Variants in FLI1 observed in about 807,000 individuals in gnomAD.
FLI1 encodes Fli-1 proto-oncogene, ETS transcription factor.
In FLI1, 13 loss-of-function variants were observed where a neutral mutation model predicts 53.1. The ratio of observed to expected loss-of-function variants is 0.24; its 90% CI spans 0.16 to 0.39. The LOEUF is 0.39. Ranked by LOEUF, FLI1 falls within the 10% of genes least tolerant of loss-of-function variation. The pLI is 1.00. For synonymous variants in FLI1, 244 were observed against 236.7 expected, an observed-to-expected ratio of 1.03 and a Z score of -0.28; for missense variants, 424 against 600.5, an observed-to-expected ratio of 0.71 and a Z score of 3.07.
chr11:128,752,378 G>T (rs545951325), intron 1 of FLI1, among the ~76,000 whole-genome samples: 1 of 152,238 alleles, frequency 6.6e-6, no homozygotes, highest in East Asian at 1.9e-4. Flanking sequence ...ACCAGATCAG[G>T]TACTGATATT....
intron 1 of FLI1, among the ~76,000 whole-genome samples, chr11:128,723,313 C>T (rs1395576114): frequency 6.6e-6 from 1 of 152,110 alleles, no homozygotes; most frequent in African/African-American, 2.4e-5. Context: ...TCCCTGTGGG[C>T]TTGGACTCAT....
intron 3 of FLI1, among the ~76,000 whole-genome samples, chr11:128,771,039 T>C (rs923909407): frequency 1.3e-5 from 2 of 152,246 alleles, no homozygotes; most frequent in African/African-American, 2.4e-5. Flanking sequence ...TGGTTTCTAT[T>C]GGAACCCCAG....
intron 5 of FLI1, chr11:128,804,761 C>T (rs1219526035): frequency 6.6e-6 from 1 of 152,316 alleles, no homozygotes; most frequent in African/African-American, 2.4e-5. Flanking sequence ...CCACATCATC[C>T]ATGTGCTGAA....
At chr11:128,771,960 TAA>T (rs1447363987) in intron 3 of FLI1, among the ~76,000 whole-genome samples, 2 of 151,898 alleles carry the variant, frequency 1.3e-5, no homozygotes, top group Non-Finnish European at 2.9e-5. Flanking sequence ...TGATGAGTGA[TAA>T]AAGAGTTCTG....
chr11:128,725,573 GA>G (rs1433433655), intron 1 of FLI1, among the ~76,000 whole-genome samples: 1 of 152,150 alleles, frequency 6.6e-6, no homozygotes, highest in African/African-American at 2.4e-5. Context: ...ACTGCAAGAT[GA>G]AGGAAGGACC....
At chr11:128,740,866 G>C (rs1940103835) in intron 1 of FLI1, among the ~76,000 whole-genome samples, 1 of 152,162 alleles carries the variant, frequency 6.6e-6, no homozygotes, top group Non-Finnish European at 1.5e-5. Flanking sequence ...GTGCTAATGG[G>C]GATGGGGACT....
At position 128,774,363 on chromosome 11, in the gene FLI1, G is replaced by A. The variant is rs182795456; in HGVS notation, c.589+1378G>A. Among the ~76,000 whole-genome samples the A allele has an allele frequency of 1.6e-3, 240 of 152,252 alleles. 1 individual carries two copies. The highest frequency in any genetic ancestry group is 3.4e-3 in the Middle Eastern group (1 of 294). On this transcript the variant is annotated intron_variant, in intron 4 of 8. Coordinates refer to ENST00000527786, the MANE Select transcript of FLI1 (RefSeq NM_002017.5). ...TTGCTGCAACATGAGGTCAGCCCAA[G>A]AAACAATTTCAAAAAAGGGGACAAT...
intron 1 of FLI1, among the ~76,000 whole-genome samples, chr11:128,712,711 C>T (rs1938836221): frequency 6.6e-6 from 1 of 152,120 alleles, no homozygotes; most frequent in South Asian, 2.1e-4. Context: ...AGACCCACCC[C>T]CAGAATTCAA....
At position 128,772,866 on chromosome 11, in the gene FLI1, C is replaced by A. The variant is rs1432410002; in HGVS notation, c.470C>A (p.Ser157Tyr). Reference protein sequence around the residue: ...KEYSLMEIDTSFFQNMDGKEL... With the variant: ...KEYSLMEIDTYFFQNMDGKEL... ...TACAGCTTGATGGAGATCGACACAT[C>A]CTTTTTCCAGAACATGGATGGCAAG... is the stretch of plus-strand genomic sequence containing the variant. The change falls in exon 4 of 9, where the codon TCC (serine) becomes TAC (tyrosine). Residue 157 changes from serine (S) to tyrosine (Y), a missense_variant. Ser to Tyr is a moderately radical substitution (Grantham distance 144). Transcript: ENST00000527786. The A allele has an allele frequency of 1.2e-6, 2 of 1,613,978 alleles. No homozygotes were observed. Among genetic ancestry groups the A allele is most frequent in the Admixed American group, 1.7e-5 (1 of 60,030 alleles).
chr11:128,772,771 C>T lies in FLI1; in HGVS notation c.386-11C>T, dbSNP rs768627624. 6.8e-6 allele frequency: 11 copies of T among 1,613,330 alleles called. No individual in the cohort carries two copies. Among genetic ancestry groups the T allele is most frequent in the Non-Finnish European group, 8.5e-6 (10 of 1,179,264 alleles). The stretch of plus-strand genomic sequence containing the variant: ...CTGCAGTCCTTGCTAACAACGTCTT[C>T]TCCTCTGCAGACCCCACACTGTGGA... On this transcript the variant is annotated splice_polypyrimidine_tract_variant and intron_variant, in intron 3 of 8. Transcript: ENST00000527786.
intron 1 of FLI1, among the ~76,000 whole-genome samples, chr11:128,712,356 C>A (rs1461652509): frequency 6.6e-6 from 1 of 152,196 alleles, no homozygotes; most frequent in African/African-American, 2.4e-5. Context: ...GAACCATGAG[C>A]ACCATGAGCC....
intron 1 of FLI1, among the ~76,000 whole-genome samples, chr11:128,713,702 C>T (rs1001502396): frequency 6.6e-6 from 1 of 151,886 alleles, no homozygotes; most frequent in African/African-American, 2.4e-5. Flanking sequence ...CGGGAGGGCA[C>T]AACGTGGGGA....
intron 1 of FLI1, among the ~76,000 whole-genome samples, chr11:128,740,294 G>A (rs999566915): frequency 3.3e-5 from 5 of 152,198 alleles, no homozygotes; most frequent in East Asian, 1.9e-4. Flanking sequence ...ATGTTGTCAC[G>A]ACAAATTATG....
Position 128,705,447 on chromosome 11 carries a change from C to T in FLI1, c.18+11171C>T, listed in dbSNP as rs1938507855. Among the ~76,000 whole-genome samples, 4 of 152,232 alleles carry T rather than the reference C, an allele frequency of 2.6e-5. No homozygotes were observed. The South Asian group carries it at 6.2e-4, about 24-fold the overall frequency. On this transcript the variant is annotated intron_variant, in intron 1 of 8. Coordinates refer to ENST00000527786, the MANE Select transcript of FLI1 (RefSeq NM_002017.5). ...GCTTCCTCCTCTACCCTTGTACCTT[C>T]GTTCTTTCTTCCTTTCCTCCTCGAA...
chr11:128,756,610 C>T (rs1565483965), intron 1 of FLI1, among the ~76,000 whole-genome samples: 1 of 152,188 alleles, frequency 6.6e-6, no homozygotes, highest in Non-Finnish European at 1.5e-5. Context: ...GAGTGTGACT[C>T]ACTATGTGCC....
intron 1 of FLI1, among the ~76,000 whole-genome samples, chr11:128,713,535 T>G (rs566054393): frequency 1.1e-4 from 17 of 152,214 alleles, no homozygotes; most frequent in South Asian, 2.1e-4. Context: ...TTAATTGAGC[T>G]GCTTCTATGT....
Position 128,811,371 on chromosome 11 carries a change from A to G in FLI1, c.*383A>G. On this transcript the variant is annotated 3_prime_UTR_variant, in exon 9 of 9. Transcript: ENST00000527786. ...ATACACGGGGTTCAGTATGACACAG[A>G]ATCATGGACTTAACCCGTCATGTTC... is the stretch of plus-strand genomic sequence containing the variant. The G allele has an allele frequency of 3.3e-6, 1 of 305,068 alleles. No individual in the cohort carries two copies. Among genetic ancestry groups the G allele is most frequent in the Non-Finnish European group, 6.1e-6 (1 of 163,688 alleles). The allele number at this position is 305,068 out of a possible 1,614,324, so 18.9% of individuals were successfully genotyped here.
At chr11:128,788,444 G>A (rs535055396) in intron 5 of FLI1, among the ~76,000 whole-genome samples, 1 of 152,250 alleles carries the variant, frequency 6.6e-6, no homozygotes, top group African/African-American at 2.4e-5. Context: ...ACTCCAGCCT[G>A]GGTGACAGAG....
rs1241576043 is a variant in FLI1 at position 128,794,279 on chromosome 11, G to A, written c.656-11087G>A. Among the ~76,000 whole-genome samples, 5 of 152,206 alleles carry A rather than the reference G, an allele frequency of 3.3e-5. No individual in the cohort carries two copies. In the East Asian group the frequency reaches 9.6e-4, roughly 29 times the overall value. On this transcript the variant is annotated intron_variant, in intron 5 of 8. Transcript: ENST00000527786. ...AATACTTTGGGAAAAAAAAGGACAG[G>A]CCTATAATGCTCTGCCAGGGGCCAC...
Sources: allele counts gnomAD v4.1 joint callset (sites outside exome capture counted in the v4.1 genomes callset), GRCh38; gene constraint gnomAD v4.1.1; transcripts MANE v1.5; gene names NCBI Gene and HGNC (gene_info 2026-07-23, HGNC 2026-07-21).